The following JUP variants were observed in gnomAD, a reference collection of about 807,000 sequenced individuals.
The protein encoded by JUP is catenin (cadherin-associated protein), gamma 80kDa.
A neutral mutation model predicts 71.1 loss-of-function variants in JUP; 28 were observed. The observed-to-expected ratio is 0.39, with a 90% CI of 0.29 to 0.54. The LOEUF is 0.54. Among genes scored for constraint, JUP ranks in the 20% least tolerant of loss-of-function variants. The pLI is 0.62. For missense variants in JUP, 869 were observed against 1,030.1 expected, an observed-to-expected ratio of 0.84 and a Z score of 2.14; for synonymous variants, 401 against 438.9, an observed-to-expected ratio of 0.91 and a Z score of 1.08.
In JUP at chr17:41,757,672, G is replaced by C; in HGVS notation, c.1886C>G (p.Pro629Arg). ...GCGGGAGTGCAGCAACTCCATGAGT[G>C]GGGCCGAGGCCCCCTCTGCATCAAT... ...DAIDAEGASA[P>R]LMELLHSRNE... Residue 629 changes from proline to arginine, a missense_variant, in exon 11 of 14, where the codon CCA (proline) becomes CGA (arginine). By Grantham distance (103) the Pro-to-Arg change is moderately radical (BLOSUM62 -2). Transcript: ENST00000393931. 2 of 1,613,574 alleles carry C rather than the reference G, an allele frequency of 1.2e-6. No homozygotes were observed. Among genetic ancestry groups the C allele is most frequent in the Non-Finnish European group, 1.7e-6 (2 of 1,179,764 alleles).
rs2143650846 is a variant in JUP at position 41,767,471 on chromosome 17, T to A, written c.817A>T (p.Met273Leu). 7 of 1,614,074 alleles carry A rather than the reference T, an allele frequency of 4.3e-6. No individual in the cohort carries two copies. The highest frequency in any genetic ancestry group is 5.9e-6 in the Non-Finnish European group (7 of 1,180,020). ...AVRLADGLQK[M>L]VPLLNKNNPK... Reference sequence around the variant, plus strand: ...TTGTTCTTGTTGAGCAGGGGCACCATCTTTTGCAGCCCGTCGGCCAGGCGC... The same window carrying A: ...TTGTTCTTGTTGAGCAGGGGCACCAACTTTTGCAGCCCGTCGGCCAGGCGC... The change falls in exon 5 of 14, where the codon ATG becomes TTG. Residue 273 changes from methionine (M) to leucine (L), a missense_variant. Transcript: ENST00000393931.
rs1913610541 is a variant in JUP at position 41,755,819 on chromosome 17, A to G, written c.2163T>C (p.Asp721=). The change falls in exon 14 of 14, where the codon GAT becomes GAC. Residue 721 remains aspartate, a synonymous_variant. Coordinates refer to ENST00000393931, the MANE Select transcript of JUP (RefSeq NM_002230.4). ...TGTAGGTGTCGATGGGGTAGTCTCC[A>G]TCCATGTCCATGTGCATCTCCAGCG... is the stretch of plus-strand genomic sequence containing the variant. The part of the protein sequence containing the change: ...LDPLEMHMDM[D]GDYPIDTYSD... 6.2e-7 allele frequency: 1 copy of G among 1,613,382 alleles called. No individual in the cohort carries two copies. The highest frequency in any genetic ancestry group is 1.1e-5 in the South Asian group (1 of 91,000).
At chr17:41,757,596 G>A (rs782517682) in intron 11 of JUP, 38 bp downstream of exon 11, 16 of 1,614,060 alleles carry the variant, frequency 9.9e-6, no homozygotes, top group South Asian at 2.2e-5. Context: ...TCGTGGCTGG[G>A]GGAGTGGGAC....
chr17:41,757,233 T>C (rs1913969034), intron 12 of JUP, among the ~76,000 whole-genome samples, 182 bp downstream of exon 12: 1 of 152,210 alleles, frequency 6.6e-6, no homozygotes, highest in East Asian at 1.9e-4. Flanking sequence ...AAATAAAAAT[T>C]GGCATTTTGT....
intron 1 of JUP, chr17:41,772,741 A>T: frequency 1.1e-6 from 1 of 919,278 alleles, no homozygotes; most frequent in Non-Finnish European, 1.3e-6. Context: ...CAGGCTAGGG[A>T]TCTGGGGTGG....
Position 41,763,159 on chromosome 17 carries a change from C to A in JUP, c.1321G>T (p.Ala441Ser). 2.5e-6 allele frequency: 4 copies of A among 1,614,238 alleles called. No individual in the cohort carries two copies. The highest frequency in any genetic ancestry group is 3.4e-6 in the Non-Finnish European group (4 of 1,180,048). ...QNSGVEALIH[A>S]ILRAGDKDDI... is the part of the protein sequence containing the mutation. Reference sequence around the variant, plus strand: ...TCCTTGTCACCAGCACGCAGGATGGCATGGATGAGAGCCTCCACACCGCTG... The same window carrying A: ...TCCTTGTCACCAGCACGCAGGATGGAATGGATGAGAGCCTCCACACCGCTG... The change falls in exon 8 of 14, where the codon GCC (alanine) becomes TCC (serine). Residue 441 changes from alanine to serine, a missense_variant. By Grantham distance (99) the Ala-to-Ser change is moderately conservative. Transcript: ENST00000393931.
At chr17:41,781,627 T>C (rs375329549) in intron 1 of JUP, among the ~76,000 whole-genome samples, 1 of 152,060 alleles carries the variant, frequency 6.6e-6, no homozygotes, top group African/African-American at 2.4e-5. Flanking sequence ...TTCACAGGGG[T>C]CACAGGACCA....
In JUP at chr17:41,769,572, T is replaced by C. The variant is rs1555605868; in HGVS notation, c.314A>G (p.Gln105Arg). The C allele has an allele frequency of 6.2e-7, 1 of 1,607,436 alleles. No homozygotes were observed. The highest frequency in any genetic ancestry group is 1.7e-5 in the Admixed American group (1 of 58,734). ...GEDSSLLLAT[Q>R]VEGQATNLQR... is the part of the protein sequence containing the mutation. Reference sequence around the variant, plus strand: ...CAGGTTGGTGGCCTGCCCCTCCACCTGGGTGGCCAGCAGAAGCGAGCTGTC... The same window carrying C: ...CAGGTTGGTGGCCTGCCCCTCCACCCGGGTGGCCAGCAGAAGCGAGCTGTC... Residue 105 changes from glutamine (Q) to arginine (R), a missense_variant, in exon 3 of 14, where the codon CAG becomes CGG. Coordinates refer to ENST00000393931, the MANE Select transcript of JUP (RefSeq NM_002230.4).
intron 6 of JUP, 24 bp downstream of exon 6, chr17:41,764,899 C>A: frequency 6.2e-7 from 1 of 1,614,056 alleles, no homozygotes. Flanking sequence ...CCACCCCAGC[C>A]GCCCTCAAGG....
chr17:41,757,502 G>T lies in JUP; in HGVS notation c.1959C>A (p.Ser653=), dbSNP rs375451560. Residue 653 remains serine, a synonymous_variant, in exon 12 of 14, where the codon TCC becomes TCA. Transcript: ENST00000393931. Reference sequence around the variant, plus strand: ...TCCGGTAGTCTGGGTTCTTGTCCTCGGAGATGCGGAACAGGACGGCAGCAG... The same window carrying T: ...TCCGGTAGTCTGGGTTCTTGTCCTCTGAGATGCGGAACAGGACGGCAGCAG... ...TYAAAVLFRI[S]EDKNPDYRKR... is the part of the protein sequence containing the mutation. The T allele has an allele frequency of 6.2e-7, 1 of 1,614,196 alleles. No homozygotes were observed. The highest frequency in any genetic ancestry group is 2.2e-5 in the East Asian group (1 of 44,884).
rs7406692 is a variant in JUP at position 41,768,679 on chromosome 17, G to A, written c.707+290C>T. Among the ~76,000 whole-genome samples the A allele has an allele frequency of 0.81, 122,817 of 152,104 alleles. 50,103 individuals are homozygous for A. The highest frequency in any genetic ancestry group is 0.89 in the African/African-American group (36,800 of 41,514). ...GCCTGGGACACTCTTCCCTTCCTCT[G>A]CACTAGCCAAACTCCACTCATCTGT... is the stretch of plus-strand genomic sequence containing the variant. On this transcript the variant is annotated intron_variant, in intron 4 of 13. Coordinates refer to ENST00000393931, the MANE Select transcript of JUP (RefSeq NM_002230.4).
intron 12 of JUP, among the ~76,000 whole-genome samples, chr17:41,757,049 A>T (rs1227700443): frequency 6.6e-6 from 1 of 152,212 alleles, no homozygotes; most frequent in Non-Finnish European, 1.5e-5. Context: ...TTCCCCACTC[A>T]TGAAGCAGGG....
At chr17:41,756,461 G>T (rs145307743) in intron 12 of JUP, among the ~76,000 whole-genome samples, 3 of 152,074 alleles carry the variant, frequency 2.0e-5, no homozygotes, top group African/African-American at 4.8e-5. Flanking sequence ...TTAGCTGGGC[G>T]TGGTGGTGCA....
intron 1 of JUP, chr17:41,785,117 G>A (rs966282483): frequency 2.0e-5 from 3 of 152,284 alleles, no homozygotes; most frequent in African/African-American, 7.2e-5. Context: ...TTTCAGGAAA[G>A]CGGGTGGGAA....
chr17:41,757,803 G>A lies in JUP; in HGVS notation c.1774-19C>T. On this transcript the variant is annotated intron_variant, in intron 10 of 13. Transcript: ENST00000393931. ...ACAGGAGCTGGGGAGAGGGGACGTG[G>A]GAAGCAGGGGAGAGGTGGAAAGGGG... 2 of 1,597,210 alleles carry A rather than the reference G, an allele frequency of 1.3e-6. No individual in the cohort carries two copies. The highest frequency in any genetic ancestry group is 1.1e-5 in the South Asian group (1 of 88,098).
At chr17:41,774,234 G>A (rs557437732) in intron 1 of JUP, among the ~76,000 whole-genome samples, 3 of 151,870 alleles carry the variant, frequency 2.0e-5, no homozygotes, top group East Asian at 1.9e-4. Flanking sequence ...GATGCCATGG[G>A]GGGGTGGGGG....
chr17:41,758,796 G>A lies in JUP; in HGVS notation c.1572C>T (p.Ile524=). ...NHAPLQEAAV[I]PRLVQLLVKA... ...TCACCAGCAGTTGGACGAGGCGGGG[G>A]ATGACCGCTGCCTCCTGCAGCGGGG... Residue 524 remains isoleucine (I), a synonymous_variant, in exon 9 of 14, where the codon ATC becomes ATT. Transcript: ENST00000393931. 1 of 1,611,876 alleles carries A rather than the reference G, an allele frequency of 6.2e-7. No homozygotes were observed. Among genetic ancestry groups the A allele is most frequent in the Non-Finnish European group, 8.5e-7 (1 of 1,178,990 alleles).
chr17:41,785,327 C>T (rs1205917150), intron 1 of JUP, among the ~76,000 whole-genome samples: 1 of 151,632 alleles, frequency 6.6e-6, no homozygotes, highest in African/African-American at 2.4e-5. Context: ...TGCCCCACCC[C>T]CATTCCTGGG....
At chr17:41,772,264 C>T (rs192503382) in intron 1 of JUP, 274 of 331,750 alleles carry the variant, frequency 8.3e-4, no homozygotes, top group African/African-American at 5.6e-3. Flanking sequence ...TCTGAGGTCC[C>T]CTGGGCCCAC....
Sources: allele counts gnomAD v4.1 joint callset (sites outside exome capture counted in the v4.1 genomes callset), GRCh38; gene constraint gnomAD v4.1.1; transcripts MANE v1.5; gene names NCBI Gene and HGNC (gene_info 2026-07-23, HGNC 2026-07-21).